TANC2: variants seen among roughly 807,000 people sequenced by gnomAD.
TANC2 encodes the protein protein TANC2.
TANC2 carries 26 observed loss-of-function variants against 210.5 expected under a neutral mutation model. The observed-to-expected ratio is 0.12, with a 90% confidence interval of 0.09 to 0.17. The LOEUF (loss-of-function observed/expected upper bound fraction) is 0.17, where lower values mean the gene tolerates loss of function less well. TANC2 is among the 10% of genes least tolerant of loss of function. The pLI is 1.00. For synonymous variants in TANC2, 931 were observed against 967.1 expected (o/e 0.96, Z 0.69); for missense variants, 2,129 against 2,608.9 (o/e 0.82, Z 4.01).
intron 5 of TANC2, among the ~76,000 whole-genome samples, chr17:63,161,451 A>G (rs2040021840): frequency 6.6e-6 from 1 of 152,168 alleles, no homozygotes. Flanking sequence ...CTGCATTGCT[A>G]AATCTAATGC....
intron 4 of TANC2, among the ~76,000 whole-genome samples, chr17:63,114,429 G>A (rs2038174212): frequency 1.3e-5 from 2 of 152,090 alleles, no homozygotes; most frequent in African/African-American, 2.4e-5. Context: ...CTGATGTATA[G>A]GGATCACATA....
chr17:63,046,575 A>C (rs908133871), intron 2 of TANC2, among the ~76,000 whole-genome samples: 1 of 151,190 alleles, frequency 6.6e-6, no homozygotes, highest in African/African-American at 2.4e-5. Flanking sequence ...CAGGTGATCC[A>C]CCTGCCTTGG....
chr17:63,066,017 T>A (rs2036182569), intron 2 of TANC2, among the ~76,000 whole-genome samples: 1 of 152,092 alleles, frequency 6.6e-6, no homozygotes, highest in African/African-American at 2.4e-5. Flanking sequence ...GCTTAAGTGA[T>A]CCTCCTGCTT....
intron 2 of TANC2, among the ~76,000 whole-genome samples, chr17:63,019,634 T>C (rs2034262908): frequency 6.6e-6 from 1 of 152,204 alleles, no homozygotes; most frequent in African/African-American, 2.4e-5. Flanking sequence ...CATACCTAGA[T>C]TGCTTAGTGG....
At chr17:63,316,064 T>C (rs770787820) in intron 10 of TANC2, among the ~76,000 whole-genome samples, 1 of 152,322 alleles carries the variant, frequency 6.6e-6, no homozygotes, top group South Asian at 2.1e-4. Context: ...TTACTTGAAT[T>C]TTTTAGAGCT....
chr17:63,216,311 AGTGCTGG>A (rs1357576633), intron 7 of TANC2, among the ~76,000 whole-genome samples: 9 of 152,174 alleles, frequency 5.9e-5, no homozygotes, highest in Admixed American at 5.9e-4. Flanking sequence ...GGCCTCCCAA[AGTGCTGG>A]GATTACAGGC....
intron 12 of TANC2, among the ~76,000 whole-genome samples, chr17:63,350,994 A>G (rs1230370878): frequency 2.0e-5 from 3 of 152,112 alleles, no homozygotes; most frequent in African/African-American, 7.2e-5. Flanking sequence ...CACAACTATT[A>G]ATATGGAGAT....
At chr17:63,110,977 T>C (rs2038018304) in intron 4 of TANC2, among the ~76,000 whole-genome samples, 1 of 152,196 alleles carries the variant, frequency 6.6e-6, no homozygotes, top group Admixed American at 6.5e-5. Context: ...ACCTGTATTG[T>C]ATTATTGGTA....
intron 17 of TANC2, among the ~76,000 whole-genome samples, chr17:63,393,972 A>G (rs4968770): frequency 0.28 from 42,721 of 151,740 alleles, 6,329 homozygotes; most frequent in African/African-American, 0.37. Flanking sequence ...GGGTTTCACC[A>G]TGTTGGCCAG....
chr17:63,125,239 T>A (rs2038662821), intron 4 of TANC2: 1 of 152,188 alleles, frequency 6.6e-6, no homozygotes, highest in Admixed American at 6.5e-5. Flanking sequence ...TCCCTTAGGA[T>A]TTGTAAGAAT....
intron 1 of TANC2, among the ~76,000 whole-genome samples, chr17:63,000,431 A>C (rs2033320994): frequency 6.6e-6 from 1 of 152,198 alleles, no homozygotes; most frequent in Admixed American, 6.5e-5. Flanking sequence ...TTGAAAATGA[A>C]AATTGATTGC....
chr17:63,060,343 G>C (rs187172235), intron 2 of TANC2, among the ~76,000 whole-genome samples: 1 of 152,228 alleles, frequency 6.6e-6, no homozygotes, highest in Non-Finnish European at 1.5e-5. Flanking sequence ...CGTTTGGGCT[G>C]GGCGTGGTGG....
intron 14 of TANC2, among the ~76,000 whole-genome samples, chr17:63,362,102 A>G (rs529920298): frequency 3.3e-5 from 5 of 150,964 alleles, no homozygotes; most frequent in Admixed American, 3.3e-4. Context: ...GGATGTCCCA[A>G]CAAGTGTGCA....
chr17:63,290,148 C>A (rs1598785321), intron 9 of TANC2, among the ~76,000 whole-genome samples: 1 of 151,788 alleles, frequency 6.6e-6, no homozygotes, highest in African/African-American at 2.4e-5. Context: ...CCTTCTTCTG[C>A]TAGAAGCTTG....
At chr17:63,416,094 G>A (rs1437453220) in intron 26 of TANC2, among the ~76,000 whole-genome samples, 1 of 152,132 alleles carries the variant, frequency 6.6e-6, no homozygotes, top group Non-Finnish European at 1.5e-5. Context: ...AGAGGGCTTG[G>A]ACCATGGTCT....
chr17:62,979,840 G>C (rs1217333503), intron 1 of TANC2, among the ~76,000 whole-genome samples: 1 of 152,212 alleles, frequency 6.6e-6, no homozygotes, highest in Non-Finnish European at 1.5e-5. Flanking sequence ...GAGCCTGGGA[G>C]GGTCTAGGCT....
At chr17:63,353,570 A>G (rs893795826) in intron 13 of TANC2, among the ~76,000 whole-genome samples, 1 of 152,136 alleles carries the variant, frequency 6.6e-6, no homozygotes. Context: ...TGAGCCACAT[A>G]TAGATAATAT....
intron 7 of TANC2, among the ~76,000 whole-genome samples, chr17:63,233,180 G>A (rs1298917819): frequency 6.6e-6 from 1 of 152,200 alleles, no homozygotes; most frequent in Non-Finnish European, 1.5e-5. Context: ...AGTCATCTTA[G>A]GTAGGAGGCA....
At chr17:63,382,853 C>A (rs940137794) in intron 15 of TANC2, among the ~76,000 whole-genome samples, 2 of 152,122 alleles carry the variant, frequency 1.3e-5, no homozygotes, top group African/African-American at 4.8e-5. Flanking sequence ...CTATAAGATT[C>A]TATAACTTTT....
Sources: allele counts gnomAD v4.1 joint callset (sites outside exome capture counted in the v4.1 genomes callset), GRCh38; gene constraint gnomAD v4.1.1; transcripts MANE v1.5; gene names NCBI Gene and HGNC (gene_info 2026-07-23, HGNC 2026-07-21).